Variants in USP9Y observed in about 807,000 individuals in gnomAD.
The protein encoded by USP9Y is ubiquitin specific peptidase 9 Y-linked.
In USP9Y, 41 loss-of-function variants were observed where a neutral mutation model predicts 53.1. The ratio of observed to expected loss-of-function variants is 0.77; its 90% CI spans 0.60 to 1.00. USP9Y has a LOEUF of 1.00. Ranked by LOEUF, USP9Y falls within the 50% of genes least tolerant of loss-of-function variation. The pLI is 0.00. For synonymous variants in USP9Y, 220 were observed against 173.7 expected, an observed-to-expected ratio of 1.27 and a Z score of -2.09; for missense variants, 567 against 535.8, an observed-to-expected ratio of 1.06 and a Z score of -0.58.
At chrY:12,717,325 C>A in intron 3 of USP9Y, among the ~76,000 whole-genome samples, 1 of 32,986 alleles carries the variant, frequency 3.0e-5, no homozygotes, top group African/African-American at 1.2e-4. Flanking sequence ...CAGGTTTCAT[C>A]CTGAACCCTC....
chrY:12,726,711 G>A lies in USP9Y; in HGVS notation c.575G>A (p.Arg192His), dbSNP rs367569859. 5.0e-6 allele frequency: 2 copies of A among 396,433 alleles called. No individual in the cohort carries two copies. The highest frequency in any genetic ancestry group is 7.1e-6 in the Non-Finnish European group (2 of 282,787). The change falls in exon 7 of 46, where the codon CGT becomes CAT. Residue 192 changes from arginine (R) to histidine (H), a missense_variant. Arg to His is a conservative substitution (Grantham distance 29). Coordinates refer to ENST00000338981, the MANE Select transcript of USP9Y (RefSeq NM_004654.4). ...AAGTTTCATATCTACAATGGTACAC[G>A]TCCGTGTGAATTAATTTCCTCAAAT... ...HCKFHIYNGT[R>H]PCELISSNAQ...
At chrY:12,854,560 G>A (rs373833245) in intron 42 of USP9Y, among the ~76,000 whole-genome samples, 1 of 32,983 alleles carries the variant, frequency 3.0e-5, no homozygotes, top group East Asian at 7.9e-4. Context: ...ATGCCACCAC[G>A]CCCAGCTAAT....
chrY:12,814,506 C>T (rs2053534702), intron 31 of USP9Y, among the ~76,000 whole-genome samples: 1 of 12,955 alleles, frequency 7.7e-5, no homozygotes, highest in Non-Finnish European at 1.4e-4. Context: ...CCAGCCTGGG[C>T]GACAGAGAGA....
chrY:12,714,156 G>T, intron 3 of USP9Y, among the ~76,000 whole-genome samples: 1 of 30,355 alleles, frequency 3.3e-5, no homozygotes, highest in Non-Finnish European at 7.8e-5. Flanking sequence ...CTCCCAAAGT[G>T]CTGAGATTAC....
At chrY:12,817,536 G>A in intron 32 of USP9Y, among the ~76,000 whole-genome samples, 1 of 33,627 alleles carries the variant, frequency 3.0e-5, no homozygotes, top group Non-Finnish European at 7.4e-5. Flanking sequence ...ACTTACAGTA[G>A]AATCTCCATG....
intron 28 of USP9Y, 147 bp from the exon 29 acceptor site, chrY:12,810,525 G>T (rs2053529095): frequency 5.7e-6 from 1 of 174,449 alleles, no homozygotes; most frequent in Non-Finnish European, 1.0e-5. Flanking sequence ...TTTATTTTAT[G>T]TATATAGTAC....
intron 3 of USP9Y, among the ~76,000 whole-genome samples, chrY:12,717,010 C>T: frequency 3.0e-5 from 1 of 33,831 alleles, no homozygotes; most frequent in Non-Finnish European, 7.3e-5. Context: ...TGTGGCATTA[C>T]GTATCCTGAT....
chrY:12,707,188 G>T, intron 1 of USP9Y, among the ~76,000 whole-genome samples: 2 of 33,230 alleles, frequency 6.0e-5, no homozygotes, highest in Non-Finnish European at 7.4e-5. Context: ...GCGCAATCTC[G>T]GCTCACCGCA....
rs2053569733 is a variant in USP9Y at position 12,849,104 on chromosome Y, T to A, written c.7064+1777T>A. 1.8e-4 allele frequency among the ~76,000 whole-genome samples: 6 copies of A among 33,914 alleles called. No individual in the cohort carries two copies. In the South Asian group the frequency reaches 4.0e-3, roughly 23 times the overall value. The allele number at this position is 33,914 out of a possible 37,273, so 91.0% of individuals were successfully genotyped here. A position where few individuals can be genotyped will look rare whatever the true frequency, so the allele number is the denominator to read the frequency against. On this transcript the variant is annotated intron_variant, in intron 42 of 45. Coordinates refer to ENST00000338981, the MANE Select transcript of USP9Y (RefSeq NM_004654.4). ...CCTATCCATGAGCATGGAATGTTCT[T>A]CCATTTGTTTGTGTCCTCTTTTATT...
chrY:12,715,324 T>C, intron 3 of USP9Y, among the ~76,000 whole-genome samples: 1 of 28,282 alleles, frequency 3.5e-5, no homozygotes, highest in Non-Finnish European at 8.5e-5. Context: ...TCTTAGTAGT[T>C]TTTTTTTTTT....
intron 27 of USP9Y, among the ~76,000 whole-genome samples, chrY:12,807,584 G>A (rs2053525969): frequency 3.5e-5 from 1 of 28,542 alleles, no homozygotes; most frequent in African/African-American, 1.4e-4. Context: ...GGATGGTCTC[G>A]ATCTCCTGAC....
chrY:12,833,889 T>C, intron 34 of USP9Y, 28 bp downstream of exon 34: 1 of 378,425 alleles, frequency 2.6e-6, no homozygotes, highest in Non-Finnish European at 3.7e-6. Context: ...TTTTAATGTA[T>C]ACTTCGTGTT....
At chrY:12,706,777 C>G (rs2053419630) in intron 1 of USP9Y, among the ~76,000 whole-genome samples, 1 of 32,857 alleles carries the variant, frequency 3.0e-5, no homozygotes, top group African/African-American at 1.2e-4. Flanking sequence ...ATAAGATGAC[C>G]ATATAGAGGT....
At chrY:12,782,708 G>A in intron 22 of USP9Y, among the ~76,000 whole-genome samples, 1 of 33,317 alleles carries the variant, frequency 3.0e-5, no homozygotes, top group Non-Finnish European at 7.4e-5. Flanking sequence ...CCTAACAACA[G>A]AGTCAGCCTG....
chrY:12,779,642 A>G lies in USP9Y; in HGVS notation c.3147A>G (p.Pro1049=). 2.5e-6 allele frequency: 1 copy of G among 397,717 alleles called. No individual in the cohort carries two copies. Among genetic ancestry groups the G allele is most frequent in the African/African-American group, 6.1e-5 (1 of 16,266 alleles). The change falls in exon 22 of 46, where the codon CCA becomes CCG. Residue 1049 remains proline, a synonymous_variant. Coordinates refer to ENST00000338981, the MANE Select transcript of USP9Y (RefSeq NM_004654.4). The part of the protein sequence containing the change: ...DGARVLMKLM[P]PDRTAVEKLR... Reference sequence around the variant, plus strand: ...CAAGAGTACTTATGAAACTTATGCCACCAGGTAAGAAAATGGTCCATCCCC... The same window carrying G: ...CAAGAGTACTTATGAAACTTATGCCGCCAGGTAAGAAAATGGTCCATCCCC...
chrY:12,813,118 G>A, intron 31 of USP9Y, 66 bp downstream of exon 31: 1 of 280,944 alleles, frequency 3.6e-6, no homozygotes, highest in Non-Finnish European at 5.3e-6. Flanking sequence ...ATTTTATTTG[G>A]TGTTTTAGAA....
At chrY:12,799,013 G>A (rs770916931) in intron 27 of USP9Y, among the ~76,000 whole-genome samples, 1 of 30,702 alleles carries the variant, frequency 3.3e-5, no homozygotes, top group South Asian at 7.9e-4. Flanking sequence ...ATACAGGCGC[G>A]TGCCACCACA....
At chrY:12,829,816 T>G in intron 33 of USP9Y, among the ~76,000 whole-genome samples, 1 of 32,478 alleles carries the variant, frequency 3.1e-5, no homozygotes. Flanking sequence ...TCATTAGGGG[T>G]TTTTATGTTA....
intron 12 of USP9Y, among the ~76,000 whole-genome samples, chrY:12,739,986 T>C: frequency 3.0e-5 from 1 of 33,484 alleles, no homozygotes; most frequent in South Asian, 6.7e-4. Flanking sequence ...TCTATGGAGT[T>C]ATGTATATGG....
Sources: allele counts gnomAD v4.1 joint callset (sites outside exome capture counted in the v4.1 genomes callset), GRCh38; gene constraint gnomAD v4.1.1; transcripts MANE v1.5; gene names NCBI Gene and HGNC (gene_info 2026-07-23, HGNC 2026-07-21).